The following SRGAP3 variants were observed in gnomAD, a reference collection of about 807,000 sequenced individuals.
The protein encoded by SRGAP3 is SLIT-ROBO Rho GTPase-activating protein 3.
In SRGAP3, 39 loss-of-function variants were observed where a neutral mutation model predicts 121.1. The ratio of observed to expected loss-of-function variants is 0.32; its 90% confidence interval spans 0.25 to 0.42. SRGAP3 has a LOEUF of 0.42. Among genes scored for constraint, SRGAP3 ranks in the 10% least tolerant of loss-of-function variants. SRGAP3 has a pLI of 1.00. For missense variants in SRGAP3, 1,213 were observed against 1,470.6 expected, an observed-to-expected ratio of 0.82 and a Z score of 2.86; for synonymous variants, 601 against 570.0, an observed-to-expected ratio of 1.05 and a Z score of -0.77.
intron 14 of SRGAP3, among the ~76,000 whole-genome samples, chr3:9,024,194 C>T (rs1944071234): frequency 6.6e-6 from 1 of 152,136 alleles, no homozygotes; most frequent in Admixed American, 6.6e-5. Context: ...GGGTCTTCAG[C>T]ACCAGAACCA....
At chr3:9,088,508 T>C (rs527453103) in intron 3 of SRGAP3, among the ~76,000 whole-genome samples, 2 of 152,268 alleles carry the variant, frequency 1.3e-5, no homozygotes, top group Non-Finnish European at 2.9e-5. Flanking sequence ...GTGTATAGGA[T>C]GTTTAGGAGC....
chr3:9,140,186 A>G (rs909340241), intron 1 of SRGAP3, among the ~76,000 whole-genome samples: 22 of 152,078 alleles, frequency 1.4e-4, no homozygotes, highest in African/African-American at 5.3e-4. Context: ...GAGACTTATC[A>G]CAGCATTGTC....
intron 1 of SRGAP3, among the ~76,000 whole-genome samples, chr3:9,183,173 T>C (rs1382412605): frequency 2.0e-5 from 3 of 152,032 alleles, no homozygotes; most frequent in Admixed American, 6.6e-5. Context: ...ACCAGGAAAA[T>C]GGCCAAGTTG....
chr3:9,269,649 G>A (rs1440652579), intron 3 of SRGAP3, among the ~76,000 whole-genome samples: 1 of 152,184 alleles, frequency 6.6e-6, no homozygotes, highest in African/African-American at 2.4e-5. Context: ...GTGGGGATGA[G>A]AGGGAGTAAG....
chr3:8,994,637 G>C, intron 18 of SRGAP3, 114 bp from the exon 19 acceptor site: 1 of 1,379,462 alleles, frequency 7.2e-7, no homozygotes. Context: ...CAGCTGGTGA[G>C]AACATGGACA....
chr3:9,157,091 C>A (rs990678040), intron 1 of SRGAP3, among the ~76,000 whole-genome samples: 1 of 152,002 alleles, frequency 6.6e-6, no homozygotes, highest in African/African-American at 2.4e-5. Flanking sequence ...GTTCTCACAC[C>A]GCTAAAAAGA....
intron 1 of SRGAP3, among the ~76,000 whole-genome samples, chr3:9,146,810 T>C (rs1335619577): frequency 6.6e-6 from 1 of 152,128 alleles, no homozygotes; most frequent in Non-Finnish European, 1.5e-5. Context: ...GGACGATGCG[T>C]CCCTCTTGGG....
At chr3:9,060,407 G>A (rs770888831) in intron 5 of SRGAP3, 48 bp from the exon 6 acceptor site, 50 of 1,541,414 alleles carry the variant, frequency 3.2e-5, no homozygotes, top group Admixed American at 8.5e-5. Flanking sequence ...TTAAGAGGAC[G>A]GGGTTTGTGA....
intron 14 of SRGAP3, among the ~76,000 whole-genome samples, chr3:9,024,483 A>G (rs1485686444): frequency 1.3e-5 from 2 of 152,216 alleles, no homozygotes; most frequent in Non-Finnish European, 2.9e-5. Context: ...GCAGAGGTGT[A>G]AGAAAAATTG....
At chr3:9,154,665 A>C (rs751506944) in intron 1 of SRGAP3, among the ~76,000 whole-genome samples, 8 of 152,198 alleles carry the variant, frequency 5.3e-5, no homozygotes, top group Admixed American at 5.2e-4. Flanking sequence ...CTGAGCGGCC[A>C]ACTGAAGTTT....
chr3:9,127,197 T>C (rs1298658791), intron 1 of SRGAP3, among the ~76,000 whole-genome samples: 1 of 150,898 alleles, frequency 6.6e-6, no homozygotes, highest in Non-Finnish European at 1.5e-5. Flanking sequence ...ATTAGCCAGG[T>C]GTGGTGGCAT....
rs548360307 is a variant in SRGAP3 at position 9,095,176 on chromosome 3, T to A, written c.423+9504A>T. Among the ~76,000 whole-genome samples, 5 of 152,240 alleles carry A rather than the reference T, an allele frequency of 3.3e-5. No individual in the cohort carries two copies. The South Asian group carries it at 1.0e-3, about 32-fold the overall frequency. On this transcript the variant is annotated intron_variant, in intron 3 of 21. Coordinates refer to ENST00000383836, the MANE Select transcript of SRGAP3 (RefSeq NM_014850.4). Reference sequence around the variant, plus strand: ...TTAATTTGTAAGAGCTGATTTTATATTCTGGGTGTTAACCTTTTATTGATT... The same window carrying A: ...TTAATTTGTAAGAGCTGATTTTATAATCTGGGTGTTAACCTTTTATTGATT...
intron 1 of SRGAP3, among the ~76,000 whole-genome samples, chr3:9,152,944 A>C (rs1451880232): frequency 6.6e-6 from 1 of 152,192 alleles, no homozygotes; most frequent in Non-Finnish European, 1.5e-5. Flanking sequence ...GGACTATATC[A>C]GAGCTCAGCT....
chr3:9,027,091 T>C, intron 12 of SRGAP3, 96 bp from the exon 13 acceptor site: 1 of 1,096,116 alleles, frequency 9.1e-7, no homozygotes, highest in Non-Finnish European at 1.4e-6. Context: ...GCCAGAATAT[T>C]AGTACCATCA....
chr3:9,168,064 T>C (rs1327346435), intron 1 of SRGAP3, among the ~76,000 whole-genome samples: 1 of 152,178 alleles, frequency 6.6e-6, no homozygotes, highest in African/African-American at 2.4e-5. Flanking sequence ...TCCCCACTTC[T>C]GCAGGGCAGT....
At chr3:9,290,759 A>G (rs1349711465) in intron 3 of SRGAP3, among the ~76,000 whole-genome samples, 4 of 152,000 alleles carry the variant, frequency 2.6e-5, no homozygotes, top group African/African-American at 9.7e-5. Flanking sequence ...TTGCAAGTAA[A>G]CCTTATGCAC....
intron 5 of SRGAP3, among the ~76,000 whole-genome samples, chr3:9,060,845 T>C (rs1946129975): frequency 3.9e-5 from 6 of 152,064 alleles, no homozygotes; most frequent in Admixed American, 3.9e-4. Flanking sequence ...GGACCTGGAC[T>C]CAGGCAGCTC....
At chr3:9,319,275 T>C (rs1955401677) in intron 3 of SRGAP3, among the ~76,000 whole-genome samples, 1 of 151,924 alleles carries the variant, frequency 6.6e-6, no homozygotes, top group Non-Finnish European at 1.5e-5. Flanking sequence ...CATTCCTTTG[T>C]ACCTTAGCTT....
chr3:9,159,024 A>G (rs941526316), intron 1 of SRGAP3, among the ~76,000 whole-genome samples: 3 of 152,130 alleles, frequency 2.0e-5, no homozygotes, highest in African/African-American at 7.2e-5. Context: ...AGCTCCTCTG[A>G]TACCAGTTCT....
Sources: gnomAD v4.1 joint callset for allele counts (sites outside exome capture counted in the v4.1 genomes callset) on GRCh38, gnomAD v4.1.1 for gene constraint, MANE v1.5 for transcripts, NCBI Gene and HGNC (gene_info 2026-07-23, HGNC 2026-07-21) for gene names.